Variants in USP26 observed in about 807,000 individuals in gnomAD.
The protein encoded by USP26 is ubiquitin specific peptidase 26, also known as ubiquitin carboxyl-terminal hydrolase 26.
For synonymous variants in USP26, 236 were observed against 240.6 expected, an observed-to-expected ratio of 0.98 and a Z score of 0.18; for missense variants, 649 against 642.3, an observed-to-expected ratio of 1.01 and a Z score of -0.11.
At chrX:133,083,298 G>A (rs372159824) in intron 5 of USP26, among the ~76,000 whole-genome samples, 8 of 112,177 alleles carry the variant, frequency 7.1e-5, no homozygotes, top group African/African-American at 1.6e-4. Context: ...ACAGGTTTAC[G>A]TAATGGCCAA....
At chrX:133,073,243 T>C (rs1268766029) in intron 5 of USP26, among the ~76,000 whole-genome samples, 1 of 106,757 alleles carries the variant, frequency 9.4e-6, no homozygotes, top group Non-Finnish European at 1.9e-5. Context: ...TTAAATGTCC[T>C]CAATCTACTC....
chrX:133,027,042 T>C lies in USP26; in HGVS notation c.1179A>G (p.Gln393=), dbSNP rs767721365. The C allele has an allele frequency of 2.2e-5, 27 of 1,210,074 alleles. No homozygotes were observed. Among genetic ancestry groups the C allele is most frequent in the Non-Finnish European group, 2.8e-5 (25 of 895,205 alleles). Reference sequence around the variant, plus strand: ...TGAGTTTTTCCATGTTATCTTTCAGTTGATCTAAACAGTGAGCTAAAAACT... The same window carrying C: ...TGAGTTTTTCCATGTTATCTTTCAGCTGATCTAAACAGTGAGCTAAAAACT... ...AHEFLAHCLD[Q]LKDNMEKLNT... Residue 393 remains glutamine, a synonymous_variant, in exon 6 of 6, where the codon CAA becomes CAG. Coordinates refer to ENST00000511190, the MANE Select transcript of USP26 (RefSeq NM_031907.3).
chrX:133,038,709 A>G (rs1602971294), intron 5 of USP26, among the ~76,000 whole-genome samples: 1 of 111,553 alleles, frequency 9.0e-6, no homozygotes, highest in African/African-American at 3.3e-5. Context: ...CTCTTTTTCT[A>G]TTGTTTGGAA....
chrX:133,034,199 T>C (rs2067388309), intron 5 of USP26, among the ~76,000 whole-genome samples: 2 of 111,966 alleles, frequency 1.8e-5, no homozygotes, highest in Admixed American at 1.9e-4. Flanking sequence ...TATCAGAGGA[T>C]AAATTTATTT....
chrX:133,047,621 T>C (rs994435839), intron 5 of USP26, among the ~76,000 whole-genome samples: 1 of 111,746 alleles, frequency 8.9e-6, no homozygotes, highest in Non-Finnish European at 1.9e-5. Context: ...CTTCCCCCCA[T>C]ATTCAGATGT....
chrX:133,039,828 G>A (rs910028685), intron 5 of USP26, among the ~76,000 whole-genome samples: 4 of 111,694 alleles, frequency 3.6e-5, no homozygotes, highest in Non-Finnish European at 7.5e-5. Flanking sequence ...GGGAGTATAT[G>A]TGTCTTTGTA....
At chrX:133,052,798 C>T (rs990141206) in intron 5 of USP26, among the ~76,000 whole-genome samples, 22 of 111,374 alleles carry the variant, frequency 2.0e-4, no homozygotes, top group Admixed American at 1.9e-3. Flanking sequence ...GACAACAGGG[C>T]ATCCAAGCCA....
intron 4 of USP26, among the ~76,000 whole-genome samples, chrX:133,087,130 C>A (rs185344639): frequency 7.7e-4 from 85 of 110,633 alleles, no homozygotes; most frequent in Non-Finnish European, 1.4e-3. Flanking sequence ...GTTTTCATGA[C>A]CAGAAATATA....
intron 5 of USP26, among the ~76,000 whole-genome samples, chrX:133,043,227 C>G (rs1421710404): frequency 8.0e-5 from 9 of 111,863 alleles, no homozygotes; most frequent in African/African-American, 2.6e-4. Context: ...TTTAAAATTT[C>G]ATTAGGTAAA....
At position 133,026,610 on chromosome X, in the gene USP26, CT is replaced by C. The variant is rs773680393; in HGVS notation, c.1610del (p.Gln537ArgfsTer9). On this transcript the variant is annotated frameshift_variant, in exon 6 of 6. Transcript: ENST00000511190. LOFTEE classifies it low-confidence loss of function (END_TRUNC). ...NEFCALKKNDQEVIISKYLKV... is the reference protein window; with the variant it reads ...NEFCALKKNDXEVIISKYLKV... Reference sequence around the variant, plus strand: ...TTAAATATTTGGAAATGATGACTTCCTGGTCATTCTTCTTTAATGCACAAAA... The same window carrying C: ...TTAAATATTTGGAAATGATGACTTCCGGTCATTCTTCTTTAATGCACAAAA... The C allele has an allele frequency of 8.3e-6, 10 of 1,204,294 alleles. No homozygotes were observed. The South Asian group carries it at 1.8e-4, about 21-fold the overall frequency.
At chrX:133,075,315 G>A (rs2067544357) in intron 5 of USP26, among the ~76,000 whole-genome samples, 1 of 112,349 alleles carries the variant, frequency 8.9e-6, no homozygotes, top group African/African-American at 3.2e-5. Context: ...GTGAGGTTCT[G>A]AGGGAAAATT....
At chrX:133,032,409 G>C (rs1320107900) in intron 5 of USP26, among the ~76,000 whole-genome samples, 5 of 111,768 alleles carry the variant, frequency 4.5e-5, no homozygotes, top group Non-Finnish European at 9.4e-5. Flanking sequence ...GAATGGACTT[G>C]GCATGTTGGA....
At chrX:133,060,863 A>T (rs1397583668) in intron 5 of USP26, among the ~76,000 whole-genome samples, 2 of 111,827 alleles carry the variant, frequency 1.8e-5, no homozygotes, top group Non-Finnish European at 3.8e-5. Flanking sequence ...TTCAGAAAAA[A>T]AATCCCAAAA....
chrX:133,065,708 T>A (rs2067509111), intron 5 of USP26, among the ~76,000 whole-genome samples: 1 of 111,796 alleles, frequency 8.9e-6, no homozygotes, highest in Admixed American at 9.5e-5. Flanking sequence ...ATAAAGTAGG[T>A]ATTGATGCAA....
At chrX:133,056,399 C>T (rs1244269680) in intron 5 of USP26, among the ~76,000 whole-genome samples, 1 of 110,942 alleles carries the variant, frequency 9.0e-6, no homozygotes, top group African/African-American at 3.3e-5. Flanking sequence ...ACCGTCAGTC[C>T]TTTGTGACCC....
Position 133,027,368 on chromosome X carries a change from A to G in USP26, c.853T>C (p.Phe285Leu). The change falls in exon 6 of 6, where the codon TTT (phenylalanine) becomes CTT (leucine). Residue 285 changes from phenylalanine (F) to leucine (L), a missense_variant. By Grantham distance (22) the Phe-to-Leu change is conservative. Coordinates refer to ENST00000511190, the MANE Select transcript of USP26 (RefSeq NM_031907.3). ...ATTTTCTCTGGAAATAATTCAAAAA[A>G]TAGTTTTAATTTATCCCACTTTGTG... The part of the protein sequence containing the change: ...GYTKWDKLKL[F>L]FELFPEKICH... 8.3e-7 allele frequency: 1 copy of G among 1,211,385 alleles called. No homozygotes were observed. Among genetic ancestry groups the G allele is most frequent in the Non-Finnish European group, 1.1e-6 (1 of 895,214 alleles).
At chrX:133,095,272 C>T (rs1035594478) in intron 1 of USP26, among the ~76,000 whole-genome samples, 1 of 111,100 alleles carries the variant, frequency 9.0e-6, no homozygotes, top group African/African-American at 3.3e-5. Context: ...GAATAAAATG[C>T]TACCTAACAC....
intron 5 of USP26, among the ~76,000 whole-genome samples, chrX:133,040,790 C>T (rs761615630): frequency 2.0e-4 from 22 of 111,306 alleles, no homozygotes; most frequent in Admixed American, 7.7e-4. Context: ...GTGTGTTTTC[C>T]GACTTGGTTC....
At chrX:133,064,263 C>T in intron 5 of USP26, among the ~76,000 whole-genome samples, 1 of 111,758 alleles carries the variant, frequency 8.9e-6, no homozygotes, top group Non-Finnish European at 1.9e-5. Context: ...CACTTATAAT[C>T]CCACACAATA....
Sources: gnomAD v4.1 joint callset for allele counts (sites outside exome capture counted in the v4.1 genomes callset) on GRCh38, gnomAD v4.1.1 for gene constraint, MANE v1.5 for transcripts, NCBI Gene and HGNC (gene_info 2026-07-23, HGNC 2026-07-21) for gene names.